Variants in ATP10D observed in about 807,000 individuals in gnomAD.
The protein encoded by ATP10D is ATPase phospholipid transporting 10D (putative).
Under a neutral mutation model 144.8 loss-of-function variants are expected in ATP10D, and 89 were observed. That is an observed-to-expected ratio of 0.61 (90% CI 0.52 to 0.73). The LOEUF is 0.73. Ranked by LOEUF, ATP10D falls within the 30% of genes least tolerant of loss-of-function variation. The pLI is 0.00. For synonymous variants in ATP10D, 571 were observed against 615.1 expected, an observed-to-expected ratio of 0.93 and a Z score of 1.06; for missense variants, 1,603 against 1,714.8, an observed-to-expected ratio of 0.93 and a Z score of 1.15.
At chr4:47,539,259 A>G (rs1718010808) in intron 9 of ATP10D, among the ~76,000 whole-genome samples, 1 of 152,210 alleles carries the variant, frequency 6.6e-6, no homozygotes, top group Non-Finnish European at 1.5e-5. Context: ...TCTTCTAGGT[A>G]CATGTATTTT....
At chr4:47,495,662 T>C (rs1715316734) in intron 1 of ATP10D, among the ~76,000 whole-genome samples, 1 of 152,172 alleles carries the variant, frequency 6.6e-6, no homozygotes, top group African/African-American at 2.4e-5. Context: ...TATACTTGTA[T>C]ACAGGTCTAA....
chr4:47,536,033 G>C lies in ATP10D; in HGVS notation c.1015G>C (p.Gly339Arg), dbSNP rs766733094. Residue 339 changes from glycine to arginine, a missense_variant and splice_region_variant, in exon 7 of 23, where the codon GGT becomes CGT. Coordinates refer to ENST00000273859, the MANE Select transcript of ATP10D (RefSeq NM_020453.4). ...LVIMCLTGAV[G>R]HGIWLSRYEK... ...CATAATGTGCTTAACTGGCGCAGTA[G>C]GTAGGTAAAATTTGATTATTTGCTG... 2.5e-6 allele frequency: 4 copies of C among 1,602,168 alleles called. No homozygotes were observed. The highest frequency in any genetic ancestry group is 2.2e-5 in the East Asian group (1 of 44,730).
intron 9 of ATP10D, among the ~76,000 whole-genome samples, chr4:47,539,448 A>T (rs142234047): frequency 8.4e-4 from 128 of 152,324 alleles, no homozygotes; most frequent in African/African-American, 2.9e-3. Context: ...AGAATAGATC[A>T]CTGTTAGCAT....
chr4:47,538,645 G>A (rs1000534345), intron 9 of ATP10D, among the ~76,000 whole-genome samples: 22 of 152,140 alleles, frequency 1.4e-4, no homozygotes, highest in African/African-American at 3.9e-4. Context: ...TGCTGAGACT[G>A]TGATCTTATT....
chr4:47,517,598 T>G (rs1268094527), intron 3 of ATP10D, among the ~76,000 whole-genome samples: 1 of 152,210 alleles, frequency 6.6e-6, no homozygotes, highest in Non-Finnish European at 1.5e-5. Flanking sequence ...ATAATAAAAC[T>G]TACTTCATAG....
At position 47,515,567 on chromosome 4, in the gene ATP10D, G is replaced by C. The variant is rs1484397911; in HGVS notation, c.382G>C (p.Val128Leu). 1 of 1,613,572 alleles carries C rather than the reference G, an allele frequency of 6.2e-7. No homozygotes were observed. Among genetic ancestry groups the C allele is most frequent in the Non-Finnish European group, 8.5e-7 (1 of 1,179,540 alleles). ...FQKEITMLPL[V>L]VVLTIIAIKD... Reference sequence around the variant, plus strand: ...AAAGGAAATCACCATGTTGCCTCTGGTGGTGGTCCTTACAATTATCGCAAT... The same window carrying C: ...AAAGGAAATCACCATGTTGCCTCTGCTGGTGGTCCTTACAATTATCGCAAT... The change falls in exon 3 of 23, where the codon GTG becomes CTG. Residue 128 changes from valine (V) to leucine (L), a missense_variant. Physicochemically the swap from Val to Leu is conservative, Grantham distance 32. Transcript: ENST00000273859.
rs192121767 is a variant in ATP10D, at chr4:47,518,772, T to C, written c.485+3102T>C. On this transcript the variant is annotated intron_variant, in intron 3 of 22. Coordinates refer to ENST00000273859, the MANE Select transcript of ATP10D (RefSeq NM_020453.4). ...TAGATTCTTCAAATTTTCTTGAAAA[T>C]ACACAATTAAACCACATTTTATTTG... Among the ~76,000 whole-genome samples the C allele has an allele frequency of 2.6e-4, 39 of 152,286 alleles. No homozygotes were observed. The East Asian group carries it at 7.1e-3, about 28-fold the overall frequency.
At chr4:47,486,913 A>G (rs763117592) in intron 1 of ATP10D, among the ~76,000 whole-genome samples, 21 of 152,278 alleles carry the variant, frequency 1.4e-4, no homozygotes, top group Non-Finnish European at 2.5e-4. Flanking sequence ...AAACCTGAAT[A>G]CTTTTCATAC....
At chr4:47,534,769 T>G (rs925903466) in intron 5 of ATP10D, among the ~76,000 whole-genome samples, 1 of 152,170 alleles carries the variant, frequency 6.6e-6, no homozygotes, top group South Asian at 2.1e-4. Context: ...AAAGCAGGAT[T>G]CTTGCTTGGA....
intron 10 of ATP10D, among the ~76,000 whole-genome samples, chr4:47,551,804 A>G (rs1479266736): frequency 2.6e-5 from 4 of 152,188 alleles, no homozygotes; most frequent in Admixed American, 1.3e-4. Context: ...TAATAATGTA[A>G]TCCTGGGTCT....
At chr4:47,490,377 TC>T (rs1325623428) in intron 1 of ATP10D, among the ~76,000 whole-genome samples, 3 of 152,178 alleles carry the variant, frequency 2.0e-5, no homozygotes, top group African/African-American at 7.2e-5. Context: ...ACTTTTAAGA[TC>T]CCTAAGCCAA....
At chr4:47,486,596 C>G (rs899126937) in intron 1 of ATP10D, among the ~76,000 whole-genome samples, 9 of 152,194 alleles carry the variant, frequency 5.9e-5, no homozygotes, top group African/African-American at 1.7e-4. Context: ...GTAGTTTGTT[C>G]AGTGCCCGCA....
chr4:47,512,806 G>A lies in ATP10D; in HGVS notation c.266G>A (p.Arg89Lys). Residue 89 changes from arginine (R) to lysine (K), a missense_variant, in exon 2 of 23, where the codon AGA becomes AAA. By Grantham distance (26) the Arg-to-Lys change is conservative. Coordinates refer to ENST00000273859, the MANE Select transcript of ATP10D (RefSeq NM_020453.4). ...TACACACTTCTGAATTTTGTGCCAA[G>A]AAATTTATTTGAACAATTTCACAGG... ...TKYTLLNFVPRNLFEQFHRAA... is the reference protein window; with the variant it reads ...TKYTLLNFVPKNLFEQFHRAA... The A allele has an allele frequency of 6.2e-7, 1 of 1,600,276 alleles. No individual in the cohort carries two copies. Among genetic ancestry groups the A allele is most frequent in the Non-Finnish European group, 8.6e-7 (1 of 1,168,866 alleles).
chr4:47,529,848 A>G (rs1439179648), intron 5 of ATP10D, among the ~76,000 whole-genome samples: 1 of 151,960 alleles, frequency 6.6e-6, no homozygotes, highest in Non-Finnish European at 1.5e-5. Context: ...CCTTGTAGAG[A>G]TCTTTCACCT....
chr4:47,525,790 T>G, intron 5 of ATP10D, 148 bp downstream of exon 5: 1 of 622,042 alleles, frequency 1.6e-6, no homozygotes, highest in Non-Finnish European at 2.8e-6. Context: ...GTTTGGCTTA[T>G]TTTAATTATT....
chr4:47,574,540 C>T (rs1720125525), intron 18 of ATP10D, among the ~76,000 whole-genome samples: 1 of 152,166 alleles, frequency 6.6e-6, no homozygotes, highest in African/African-American at 2.4e-5. Flanking sequence ...AAACCACAAA[C>T]AATACATTTT....
At chr4:47,496,251 G>A (rs531283682) in intron 1 of ATP10D, among the ~76,000 whole-genome samples, 9 of 144,154 alleles carry the variant, frequency 6.2e-5, no homozygotes, top group East Asian at 6.1e-4. Context: ...TCCGCCTCCC[G>A]GGTTCAAGCC....
chr4:47,522,900 C>G (rs1717017907), intron 3 of ATP10D, 112 bp from the exon 4 acceptor site: 1 of 887,128 alleles, frequency 1.1e-6, no homozygotes, highest in Non-Finnish European at 1.7e-6. Flanking sequence ...AAAATTTACC[C>G]TAATACTTAA....
chr4:47,487,543 T>G (rs968409384), intron 1 of ATP10D, among the ~76,000 whole-genome samples: 1 of 152,138 alleles, frequency 6.6e-6, no homozygotes, highest in Admixed American at 6.6e-5. Context: ...AAATATAAAT[T>G]TAATAGTGCT....
Sources: allele counts gnomAD v4.1 joint callset (sites outside exome capture counted in the v4.1 genomes callset), GRCh38; gene constraint gnomAD v4.1.1; transcripts MANE v1.5; gene names NCBI Gene and HGNC (gene_info 2026-07-23, HGNC 2026-07-21).